MAPKAP1: variants seen among roughly 807,000 people sequenced by gnomAD.
MAPKAP1 encodes the protein target of rapamycin complex 2 subunit MAPKAP1.
A neutral mutation model predicts 65.7 loss-of-function variants in MAPKAP1; 20 were observed. That is an observed-to-expected ratio of 0.30 (90% CI 0.21 to 0.44). The LOEUF (loss-of-function observed/expected upper bound fraction) is 0.44, where lower values mean the gene tolerates loss of function less well. Ranked by LOEUF, MAPKAP1 falls within the 20% of genes least tolerant of loss-of-function variation. MAPKAP1 has a pLI of 1.00. For synonymous variants in MAPKAP1, 222 were observed against 244.3 expected (o/e 0.91, Z 0.85); for missense variants, 423 against 648.0 (o/e 0.65, Z 3.77).
chr9:125,660,826 C>T (rs1447726067), intron 3 of MAPKAP1, among the ~76,000 whole-genome samples: 2 of 152,220 alleles, frequency 1.3e-5, no homozygotes, highest in Non-Finnish European at 2.9e-5. Context: ...TGCCTCCTCA[C>T]CCCAACCCTT....
chr9:125,481,863 G>A lies in MAPKAP1; in HGVS notation c.1207+2580C>T, dbSNP rs1447257863. ...ACTGAAAGTGTGGCCAGGCGTGGTG[G>A]TTCACGCCTGTAATCCCAGCACTTT... On this transcript the variant is annotated intron_variant, in intron 9 of 11. Transcript: ENST00000265960. 4.0e-5 allele frequency among the ~76,000 whole-genome samples: 6 copies of A among 151,810 alleles called. No individual in the cohort carries two copies. The East Asian group carries it at 9.7e-4, about 25-fold the overall frequency.
At chr9:125,508,769 T>C (rs1036106931) in intron 7 of MAPKAP1, among the ~76,000 whole-genome samples, 1 of 152,132 alleles carries the variant, frequency 6.6e-6, no homozygotes, top group Non-Finnish European at 1.5e-5. Context: ...GTGGATCTCC[T>C]GAGCCCAGGG....
At position 125,506,380 on chromosome 9, in the gene MAPKAP1, A is replaced by G. The variant is rs1829142598; in HGVS notation, c.996T>C (p.Asn332=). The part of the protein sequence containing the change: ...QYRLEKQSEP[N]VAVDLDSTLE... ...AAGTGCTGTCCAGGTCAACGGCGAC[A>G]TTGGGCTCGCTCTGCTTCTCCAGGC... The change falls in exon 8 of 12, where the codon AAT becomes AAC. Residue 332 remains asparagine, a synonymous_variant. Coordinates refer to ENST00000265960, the MANE Select transcript of MAPKAP1 (RefSeq NM_001006617.3). 1 of 1,614,114 alleles carries G rather than the reference A, an allele frequency of 6.2e-7. No homozygotes were observed. The highest frequency in any genetic ancestry group is 8.5e-7 in the Non-Finnish European group (1 of 1,180,006).
At chr9:125,457,044 AGTG>A (rs1853193636) in intron 10 of MAPKAP1, among the ~76,000 whole-genome samples, 1 of 149,910 alleles carries the variant, frequency 6.7e-6, no homozygotes, top group Admixed American at 6.7e-5. Context: ...GCTGGAGTAC[AGTG>A]GCGCGATCCT....
At chr9:125,533,744 C>A (rs573595471) in intron 7 of MAPKAP1, among the ~76,000 whole-genome samples, 1 of 152,148 alleles carries the variant, frequency 6.6e-6, no homozygotes, top group African/African-American at 2.4e-5. Flanking sequence ...CCACTACGCT[C>A]GGCCAGGCAT....
chr9:125,644,954 A>G (rs1319392013), intron 4 of MAPKAP1, among the ~76,000 whole-genome samples: 1 of 152,234 alleles, frequency 6.6e-6, no homozygotes, highest in Non-Finnish European at 1.5e-5. Flanking sequence ...CATGTTAGAC[A>G]TAGCGCAATC....
chr9:125,645,795 C>G (rs190900827), intron 4 of MAPKAP1, among the ~76,000 whole-genome samples: 1 of 149,698 alleles, frequency 6.7e-6, no homozygotes, highest in East Asian at 2.0e-4. Context: ...AGAATAAATG[C>G]ATTATAATCA....
At chr9:125,682,930 G>C (rs1300310018) in intron 1 of MAPKAP1, among the ~76,000 whole-genome samples, 1 of 151,872 alleles carries the variant, frequency 6.6e-6, no homozygotes, top group Admixed American at 6.6e-5. Flanking sequence ...ATCTTCTGAG[G>C]GTGGACCCAG....
intron 7 of MAPKAP1, among the ~76,000 whole-genome samples, chr9:125,533,478 C>T (rs1322967113): frequency 6.6e-6 from 1 of 151,742 alleles, no homozygotes; most frequent in Non-Finnish European, 1.5e-5. Context: ...GAGACAGAGT[C>T]TTACTCTGTC....
intron 5 of MAPKAP1, among the ~76,000 whole-genome samples, chr9:125,562,979 T>C (rs1348465349): frequency 1.3e-5 from 2 of 152,204 alleles, no homozygotes; most frequent in African/African-American, 2.4e-5. Flanking sequence ...TATGGAAATA[T>C]GACACACTTT....
intron 4 of MAPKAP1, chr9:125,652,027 C>G (rs1267194202): frequency 3.1e-6 from 3 of 966,436 alleles, no homozygotes; most frequent in Non-Finnish European, 4.0e-6. Context: ...AGGGACCATT[C>G]CCACAAGAAT....
At chr9:125,649,606 A>G (rs1833832655) in intron 4 of MAPKAP1, among the ~76,000 whole-genome samples, 1 of 152,006 alleles carries the variant, frequency 6.6e-6, no homozygotes, top group Non-Finnish European at 1.5e-5. Context: ...ACAAGCGAGA[A>G]CAAAAAAGAG....
intron 9 of MAPKAP1, among the ~76,000 whole-genome samples, chr9:125,477,357 C>G (rs536237072): frequency 6.6e-6 from 1 of 152,248 alleles, no homozygotes; most frequent in South Asian, 2.1e-4. Flanking sequence ...GAGACTGCAT[C>G]AGAAAAACCA....
intron 10 of MAPKAP1, among the ~76,000 whole-genome samples, chr9:125,459,780 G>C (rs963549242): frequency 3.3e-5 from 5 of 151,328 alleles, no homozygotes; most frequent in East Asian, 1.9e-4. Flanking sequence ...GTCCAGCTTC[G>C]GCTCGGCATC....
In MAPKAP1 at chr9:125,464,433, C is replaced by T. The variant is rs1398142; in HGVS notation, c.1345+3539G>A. ...GCAAAATCTGACAGAGGGAATCACT[C>T]ATTTGAATAATAATGGCAGCATGTT... On this transcript the variant is annotated intron_variant, in intron 10 of 11. Transcript: ENST00000265960. 2.3e-3 allele frequency among the ~76,000 whole-genome samples: 353 copies of T among 151,974 alleles called. 1 individual carries two copies. The highest frequency in any genetic ancestry group is 3.9e-3 in the Non-Finnish European group (265 of 67,962).
intron 4 of MAPKAP1, among the ~76,000 whole-genome samples, chr9:125,587,754 T>C (rs1363319927): frequency 2.6e-5 from 4 of 152,124 alleles, no homozygotes; most frequent in African/African-American, 9.7e-5. Flanking sequence ...TGGGCAAAGA[T>C]TTGAACAGAC....
intron 10 of MAPKAP1, among the ~76,000 whole-genome samples, chr9:125,459,187 G>A (rs995405010): frequency 7.0e-6 from 1 of 142,958 alleles, no homozygotes; most frequent in Admixed American, 7.0e-5. Context: ...GGGCGGCGGG[G>A]CAGAGGCGCT....
At chr9:125,695,750 C>T (rs545824496) in intron 1 of MAPKAP1, among the ~76,000 whole-genome samples, 4 of 150,534 alleles carry the variant, frequency 2.7e-5, no homozygotes, top group South Asian at 2.1e-4. Flanking sequence ...TTTTTTGAGA[C>T]GGAGTTTCAC....
At position 125,545,944 on chromosome 9, in the gene MAPKAP1, T is replaced by A. The variant is rs141910856; in HGVS notation, c.849-2776A>T. On this transcript the variant is annotated intron_variant, in intron 6 of 11. Transcript: ENST00000265960. ...TTTTGTTACAGAATACATAAATCCA[T>A]TGTGGCACAATGTAATATGTATCAC... Among the ~76,000 whole-genome samples the A allele has an allele frequency of 1.0e-3, 154 of 152,338 alleles. 1 individual carries two copies. The highest frequency in any genetic ancestry group is 3.6e-3 in the African/African-American group (149 of 41,582).
Sources: allele counts gnomAD v4.1 joint callset (sites outside exome capture counted in the v4.1 genomes callset), GRCh38; gene constraint gnomAD v4.1.1; transcripts MANE v1.5; gene names NCBI Gene and HGNC (gene_info 2026-07-23, HGNC 2026-07-21).